The following DPF2 variants were observed in gnomAD, a reference collection of about 807,000 sequenced individuals.
DPF2 encodes the protein zinc finger protein ubi-d4.
In DPF2, 10 loss-of-function variants were observed where a neutral mutation model predicts 59.6. The ratio of observed to expected loss-of-function variants is 0.17; its 90% confidence interval spans 0.10 to 0.28. The LOEUF is 0.28. Among genes scored for constraint, DPF2 ranks in the 10% least tolerant of loss-of-function variants. The probability of loss-of-function intolerance (pLI) is 1.00; values close to 1 mark genes in which losing one functional copy is unlikely to be tolerated. For missense variants in DPF2, 315 were observed against 509.4 expected, an observed-to-expected ratio of 0.62 and a Z score of 3.67; for synonymous variants, 189 against 190.6, an observed-to-expected ratio of 0.99 and a Z score of 0.07.
chr11:65,343,299 CAAAAAAAAAAAA>C (rs529933254), intron 4 of DPF2, among the ~76,000 whole-genome samples: 6 of 58,024 alleles, frequency 1.0e-4, no homozygotes, highest in East Asian at 6.3e-4. Flanking sequence ...AACTCTGTCT[CAAAAAAAAAAAA>C]AAAAAAAAAA....
rs1351772173 is a variant in DPF2 at position 65,341,382 on chromosome 11, C to T, written c.302-17C>T. The T allele has an allele frequency of 1.2e-6, 2 of 1,614,118 alleles. No individual in the cohort carries two copies. Among genetic ancestry groups the T allele is most frequent in the African/African-American group, 1.3e-5 (1 of 75,038 alleles). On this transcript the variant is annotated splice_polypyrimidine_tract_variant and intron_variant, in intron 3 of 10. Transcript: ENST00000528416. ...TCAGCCCTTTTGAGCCTTGCTTTAT[C>T]CTGACCTTGCTTGCAGACACAGACC...
chr11:65,344,563 T>C (rs770345669), intron 6 of DPF2: 18 of 1,535,834 alleles, frequency 1.2e-5, no homozygotes, highest in Non-Finnish European at 1.6e-5. Flanking sequence ...CTCATGACTT[T>C]TCTTTCTGTC....
chr11:65,342,456 G>A (rs1352335468), intron 4 of DPF2, among the ~76,000 whole-genome samples: 1 of 152,008 alleles, frequency 6.6e-6, no homozygotes, highest in African/African-American at 2.4e-5. Context: ...GGAAGGGAGG[G>A]AAACAAACTT....
chr11:65,344,216 C>A, intron 6 of DPF2, 147 bp downstream of exon 6: 1 of 798,388 alleles, frequency 1.3e-6, no homozygotes, highest in South Asian at 1.6e-5. Context: ...CCGTCTGAGA[C>A]CCCTGGGAGG....
intron 6 of DPF2, chr11:65,344,404 T>C: frequency 3.0e-6 from 2 of 660,302 alleles, no homozygotes; most frequent in Admixed American, 2.9e-5. Flanking sequence ...CACTGAGTTT[T>C]TCAACGTCTG....
intron 4 of DPF2, among the ~76,000 whole-genome samples, chr11:65,342,795 G>A (rs985704794): frequency 6.9e-6 from 1 of 144,750 alleles, no homozygotes; most frequent in Admixed American, 6.9e-5. Context: ...GGCGGATCTT[G>A]AGGTCAGGAG....
rs1243814654 is a variant in DPF2, at chr11:65,351,745, C to T, written c.1162C>T (p.Gln388Ter). 1 of 1,613,150 alleles carries T rather than the reference C, an allele frequency of 6.2e-7. No individual in the cohort carries two copies. Among genetic ancestry groups the T allele is most frequent in the African/African-American group, 1.3e-5 (1 of 74,898 alleles). ...LKEKASIYQN[Q>*]NSS Reference sequence around the variant, plus strand: ...AGAGAAAGCTTCCATCTACCAGAACCAGAACTCCTCTTGATGTGGCCACCC... The same window carrying T: ...AGAGAAAGCTTCCATCTACCAGAACTAGAACTCCTCTTGATGTGGCCACCC... The change falls in exon 11 of 11, where the codon CAG (glutamine) becomes TAG (stop). Residue 388 changes from glutamine (Q) to a stop codon, truncating the protein, a stop_gained. Transcript: ENST00000528416. LOFTEE classifies it high-confidence loss of function.
chr11:65,336,711 T>C (rs1590928746), intron 1 of DPF2, among the ~76,000 whole-genome samples: 2 of 126,906 alleles, frequency 1.6e-5, no homozygotes, highest in Non-Finnish European at 3.2e-5. Context: ...ATCACTTGAA[T>C]CCAGGAGGCA....
At chr11:65,336,108 C>T (rs1164931934) in intron 1 of DPF2, among the ~76,000 whole-genome samples, 1 of 152,114 alleles carries the variant, frequency 6.6e-6, no homozygotes, top group Non-Finnish European at 1.5e-5. Flanking sequence ...CCACCACGCC[C>T]GGCCCCTCAT....
Position 65,352,092 on chromosome 11 carries a change from T to C in DPF2, c.*333T>C, listed in dbSNP as rs1297692849. ...TCAAACAGTGTCCTCCTAGAAAGAG[T>C]GGGAGAGCAGCTCACTTCTCTGTGT... On this transcript the variant is annotated 3_prime_UTR_variant, in exon 11 of 11. Coordinates refer to ENST00000528416, the MANE Select transcript of DPF2 (RefSeq NM_006268.5). 7 of 307,316 alleles carry C rather than the reference T, an allele frequency of 2.3e-5. No individual in the cohort carries two copies. The highest frequency in any genetic ancestry group is 4.3e-5 in the Non-Finnish European group (7 of 161,606). 19.0% of individuals were successfully genotyped at this position (307,316 alleles called of 1,614,324 possible).
chr11:65,344,876 A>G (rs1187905643), intron 6 of DPF2: 9 of 522,032 alleles, frequency 1.7e-5, no homozygotes, highest in Non-Finnish European at 3.0e-5. Flanking sequence ...AAGCATTATC[A>G]GGAGCCCATT....
chr11:65,340,296 T>C, intron 1 of DPF2, 89 bp from the exon 2 acceptor site: 1 of 1,490,754 alleles, frequency 6.7e-7, no homozygotes, highest in Non-Finnish European at 9.1e-7. Context: ...TTGAGCCTTC[T>C]AGAGAAGCAG....
chr11:65,347,416 C>T (rs1001214281), intron 9 of DPF2: 2 of 151,560 alleles, frequency 1.3e-5, no homozygotes, highest in South Asian at 2.1e-4. Context: ...TAAAACCTTT[C>T]CCTTCAGGCT....
Position 65,352,074 on chromosome 11 carries a change from G to A in DPF2, c.*315G>A. The A allele has an allele frequency of 2.7e-6, 1 of 363,848 alleles. No individual in the cohort carries two copies. The highest frequency in any genetic ancestry group is 3.2e-5 in the South Asian group (1 of 30,878). The allele number at this position is 363,848 out of a possible 1,614,324, so 22.5% of individuals were successfully genotyped here. On this transcript the variant is annotated 3_prime_UTR_variant, in exon 11 of 11. Coordinates refer to ENST00000528416, the MANE Select transcript of DPF2 (RefSeq NM_006268.5). The stretch of plus-strand genomic sequence containing the variant: ...CCCTGGTGATCACAGGGTTCAAACA[G>A]TGTCCTCCTAGAAAGAGTGGGAGAG...
At chr11:65,345,872 G>A (rs932353789) in intron 7 of DPF2, 58 bp from the exon 8 acceptor site, 23 of 1,613,388 alleles carry the variant, frequency 1.4e-5, no homozygotes, top group Non-Finnish European at 1.8e-5. Flanking sequence ...CTCCTTGCAT[G>A]GGTGTTGAGT....
chr11:65,351,542 A>G, intron 10 of DPF2, 141 bp from the exon 11 acceptor site: 1 of 710,488 alleles, frequency 1.4e-6, no homozygotes, highest in Non-Finnish European at 2.5e-6. Flanking sequence ...TCAGGAAACC[A>G]TGGAACTTTC....
intron 1 of DPF2, 139 bp downstream of exon 1, chr11:65,334,057 A>G: frequency 3.2e-6 from 4 of 1,235,308 alleles, no homozygotes; most frequent in Non-Finnish European, 4.6e-6. Flanking sequence ...GGGGAGGGCA[A>G]CAGGAGACTC....
chr11:65,337,547 A>AGAGAGAGAGAGAG (rs1251201046), intron 1 of DPF2, among the ~76,000 whole-genome samples: 9 of 131,668 alleles, frequency 6.8e-5, no homozygotes, highest in Non-Finnish European at 1.1e-4. Flanking sequence ...AGAGAGAGAG[A>AGAGAGAGAGAGAG]ACAATGTTAA....
At chr11:65,337,543 A>AGG (rs1555029252) in intron 1 of DPF2, among the ~76,000 whole-genome samples, 14 of 137,516 alleles carry the variant, frequency 1.0e-4, no homozygotes, top group African/African-American at 3.8e-4. Flanking sequence ...AGAGAGAGAG[A>AGG]GAGAACAATG....
Sources: gnomAD v4.1 joint callset for allele counts (sites outside exome capture counted in the v4.1 genomes callset) on GRCh38, gnomAD v4.1.1 for gene constraint, MANE v1.5 for transcripts, NCBI Gene and HGNC (gene_info 2026-07-23, HGNC 2026-07-21) for gene names.